Variants in RUNX2 observed in about 807,000 individuals in gnomAD.
RUNX2 encodes the protein RUNX family transcription factor 2.
RUNX2 carries 10 observed loss-of-function variants against 51.7 expected under a neutral mutation model. That is an observed-to-expected ratio of 0.19 (90% confidence interval 0.12 to 0.33). RUNX2 has a LOEUF of 0.33. Ranked by LOEUF, RUNX2 falls within the 10% of genes least tolerant of loss-of-function variation. RUNX2 has a pLI of 1.00. For synonymous variants in RUNX2, 276 were observed against 273.6 expected, an observed-to-expected ratio of 1.01 and a Z score of -0.09; for missense variants, 562 against 691.3, an observed-to-expected ratio of 0.81 and a Z score of 2.10.
At chr6:45,392,562 G>T (rs928713230) in intron 2 of RUNX2, among the ~76,000 whole-genome samples, 1 of 152,070 alleles carries the variant, frequency 6.6e-6, no homozygotes, top group Non-Finnish European at 1.5e-5. Context: ...AACTAATTAG[G>T]CTGTATAATC....
chr6:45,495,776 A>C (rs1563111453), intron 6 of RUNX2, among the ~76,000 whole-genome samples: 1 of 152,214 alleles, frequency 6.6e-6, no homozygotes, highest in Non-Finnish European at 1.5e-5. Flanking sequence ...AAATTGAGGA[A>C]GTCATAAGCA....
chr6:45,422,623 C>T lies in RUNX2; in HGVS notation c.89C>T (p.Pro30Leu), dbSNP rs573668161. 1.9e-6 allele frequency: 3 copies of T among 1,606,854 alleles called. No individual in the cohort carries two copies. Among genetic ancestry groups the T allele is most frequent in the Non-Finnish European group, 2.5e-6 (3 of 1,177,514 alleles). ...AGCACCAGCCGGCGCTTCAGCCCCC[C>T]CTCCAGCAGCCTGCAGCCCGGCAAA... ...DPSTSRRFSP[P>L]SSSLQPGKMS... The change falls in exon 3 of 9, where the codon CCC (proline) becomes CTC (leucine). Residue 30 changes from proline (P) to leucine (L), a missense_variant. By Grantham distance (98) the Pro-to-Leu change is moderately conservative. Around this residue, in one of 5 missense-constraint regions of RUNX2, gnomAD observed 153 missense variants for 144.8 expected, o/e 1.06. Coordinates refer to ENST00000647337, the MANE Select transcript of RUNX2 (RefSeq NM_001024630.4).
intron 2 of RUNX2, among the ~76,000 whole-genome samples, chr6:45,415,262 G>A (rs1336029021): frequency 2.0e-5 from 3 of 152,152 alleles, no homozygotes; most frequent in African/African-American, 7.2e-5. Flanking sequence ...ACAAGGAATT[G>A]GCTAGGAAGA....
intron 2 of RUNX2, among the ~76,000 whole-genome samples, chr6:45,400,493 TAA>T (rs953455411): frequency 4.6e-5 from 7 of 152,206 alleles, no homozygotes; most frequent in African/African-American, 1.2e-4. Context: ...GCCTGTTCCT[TAA>T]ATGATCTAGA....
At chr6:45,429,758 T>G (rs1798486739) in intron 3 of RUNX2, among the ~76,000 whole-genome samples, 1 of 152,186 alleles carries the variant, frequency 6.6e-6, no homozygotes, top group African/African-American at 2.4e-5. Flanking sequence ...CTTCTGTCTC[T>G]GCGAAGTGGG....
chr6:45,418,216 A>T (rs902584358), intron 2 of RUNX2, among the ~76,000 whole-genome samples: 1 of 152,268 alleles, frequency 6.6e-6, no homozygotes, highest in Non-Finnish European at 1.5e-5. Flanking sequence ...AAAGGAAACC[A>T]GGATAAAAGG....
chr6:45,518,079 CA>C (rs970315182), intron 7 of RUNX2, among the ~76,000 whole-genome samples: 6 of 152,310 alleles, frequency 3.9e-5, no homozygotes, highest in Admixed American at 3.9e-4. Flanking sequence ...AAAGTTAAAG[CA>C]ACCATAATAA....
chr6:45,383,087 G>A (rs956703097), intron 2 of RUNX2, among the ~76,000 whole-genome samples: 1 of 152,132 alleles, frequency 6.6e-6, no homozygotes, highest in Non-Finnish European at 1.5e-5. Context: ...TGGGGAATAA[G>A]TACATAATTA....
intron 5 of RUNX2, among the ~76,000 whole-genome samples, chr6:45,479,392 T>C (rs1800047164): frequency 6.6e-6 from 1 of 152,196 alleles, no homozygotes; most frequent in African/African-American, 2.4e-5. Context: ...AAGAAAGGTA[T>C]GCTTGTGATC....
chr6:45,549,223 T>A lies in RUNX2; in HGVS notation c.*1918T>A. The stretch of plus-strand genomic sequence containing the variant: ...TGCTCTCCTCCCCGAAAAGTCAGGG[T>A]CCCTTCATTGGAATCCTCCACCCAC... On this transcript the variant is annotated 3_prime_UTR_variant, in exon 9 of 9. Transcript: ENST00000647337. 1 of 398,258 alleles carries A rather than the reference T, an allele frequency of 2.5e-6. No individual in the cohort carries two copies. Among genetic ancestry groups the A allele is most frequent in the Non-Finnish European group, 4.4e-6 (1 of 226,018 alleles). The allele number at this position is 398,258 out of a possible 1,614,324, so 24.7% of individuals were successfully genotyped here.
chr6:45,330,087 A>G (rs1254286549), intron 2 of RUNX2, among the ~76,000 whole-genome samples: 2 of 151,880 alleles, frequency 1.3e-5, no homozygotes, highest in Admixed American at 1.3e-4. Context: ...GGTTTCTCTT[A>G]CAGGGTGAGG....
chr6:45,547,390 A>C lies in RUNX2; in HGVS notation c.*85A>C. 9.3e-7 allele frequency: 1 copy of C among 1,074,516 alleles called. No individual in the cohort carries two copies. The highest frequency in any genetic ancestry group is 1.4e-6 in the Non-Finnish European group (1 of 698,790). 66.6% of individuals were successfully genotyped at this position (1,074,516 alleles called of 1,614,324 possible). On this transcript the variant is annotated 3_prime_UTR_variant, in exon 9 of 9. Transcript: ENST00000647337. Reference sequence around the variant, plus strand: ...ACATATATAGAGAGAGTGCATATATATGTATATCGATTAGCTATCTACAAA... The same window carrying C: ...ACATATATAGAGAGAGTGCATATATCTGTATATCGATTAGCTATCTACAAA...
At chr6:45,444,146 G>C (rs970865868) in intron 5 of RUNX2, among the ~76,000 whole-genome samples, 122 of 152,208 alleles carry the variant, frequency 8.0e-4, no homozygotes, top group African/African-American at 2.8e-3. Flanking sequence ...CACTGCGCCT[G>C]GCCAAGATTA....
intron 3 of RUNX2, among the ~76,000 whole-genome samples, chr6:45,427,778 T>C (rs1000156168): frequency 4.6e-5 from 7 of 152,178 alleles, no homozygotes; most frequent in African/African-American, 7.2e-5. Flanking sequence ...AGAAACTGTT[T>C]TAAGGGTTTG....
At chr6:45,420,236 A>T (rs542063931) in intron 2 of RUNX2, among the ~76,000 whole-genome samples, 1 of 152,158 alleles carries the variant, frequency 6.6e-6, no homozygotes, top group East Asian at 1.9e-4. Context: ...CCCCAAGCTC[A>T]TCTTGTACTC....
At chr6:45,476,317 T>C (rs957658692) in intron 5 of RUNX2, among the ~76,000 whole-genome samples, 1 of 152,106 alleles carries the variant, frequency 6.6e-6, no homozygotes, top group East Asian at 1.9e-4. Context: ...TACTGCCCCA[T>C]GAGATTCAAG....
At chr6:45,368,298 A>G (rs1391573696) in intron 2 of RUNX2, among the ~76,000 whole-genome samples, 1 of 152,166 alleles carries the variant, frequency 6.6e-6, no homozygotes, top group Non-Finnish European at 1.5e-5. Context: ...TAGTATTTAA[A>G]CCTGATCATT....
In RUNX2 at chr6:45,464,616, A is replaced by G. The variant is rs151052711; in HGVS notation, c.685+26565A>G. On this transcript the variant is annotated intron_variant, in intron 5 of 8. Transcript: ENST00000647337. Reference sequence around the variant, plus strand: ...AGAGCTGGAAAAACCAGCTTAGGTCAATGTCCGAGCATTATCCAAAACTCA... The same window carrying G: ...AGAGCTGGAAAAACCAGCTTAGGTCGATGTCCGAGCATTATCCAAAACTCA... 4.6e-5 allele frequency among the ~76,000 whole-genome samples: 7 copies of G among 152,344 alleles called. No individual in the cohort carries two copies. The East Asian group carries it at 1.2e-3, about 25-fold the overall frequency.
At chr6:45,424,379 C>G (rs1453552580) in intron 3 of RUNX2, among the ~76,000 whole-genome samples, 3 of 152,212 alleles carry the variant, frequency 2.0e-5, no homozygotes, top group Non-Finnish European at 4.4e-5. Context: ...TGTCCACACT[C>G]GCAAGACGCC....
Sources: allele counts gnomAD v4.1 joint callset (sites outside exome capture counted in the v4.1 genomes callset), GRCh38; gene constraint gnomAD v4.1.1; regional missense constraint gnomAD v4.1.1; transcripts MANE v1.5; gene names NCBI Gene and HGNC (gene_info 2026-07-23, HGNC 2026-07-21).